The following TBC1D17 variants were observed in gnomAD, a reference collection of about 807,000 sequenced individuals.
TBC1D17 encodes the protein TBC1 domain family, member 17.
Under a neutral mutation model 78.8 loss-of-function variants are expected in TBC1D17, and 69 were observed. The observed-to-expected ratio is 0.88, with a 90% CI of 0.72 to 1.07. The LOEUF is 1.07. TBC1D17 is among the 50% of genes least tolerant of loss of function. The probability of loss-of-function intolerance (pLI) is 0.00; values close to 1 mark genes in which losing one functional copy is unlikely to be tolerated. For synonymous variants in TBC1D17, 456 were observed against 358.3 expected (o/e 1.27, Z -3.08); for missense variants, 957 against 861.0 (o/e 1.11, Z -1.39).
In TBC1D17 at chr19:49,884,499, C is replaced by G. The variant is rs1473725055; in HGVS notation, c.1284C>G (p.Leu428=). ...QGMSDLLSPI[L]YVIQNEVDAF... ...TGAGTGATCTTCTCTCCCCGATCCT[C>G]TACGTCATTCAGAACGAGGTGGATG... Residue 428 remains leucine, a synonymous_variant, in exon 12 of 17, where the codon CTC becomes CTG. Transcript: ENST00000221543. The G allele has an allele frequency of 6.2e-7, 1 of 1,614,202 alleles. No homozygotes were observed.
intron 3 of TBC1D17, 106 bp from the exon 4 acceptor site, chr19:49,880,173 G>A: frequency 1.4e-6 from 2 of 1,437,044 alleles, no homozygotes; most frequent in Non-Finnish European, 9.5e-7. Flanking sequence ...TACCTTCTTT[G>A]TGCCTCAGTT....
chr19:49,881,803 G>A (rs950485598), intron 5 of TBC1D17, among the ~76,000 whole-genome samples: 22 of 152,042 alleles, frequency 1.4e-4, no homozygotes, highest in Non-Finnish European at 2.5e-4. Flanking sequence ...TCATTGGCTC[G>A]TCCCTGAGTC....
chr19:49,887,746 A>G lies in TBC1D17; in HGVS notation c.1571A>G (p.Asn524Ser), dbSNP rs149454222. Residue 524 changes from asparagine to serine, a missense_variant, in exon 15 of 17, where the codon AAT becomes AGT. By Grantham distance (46) the Asn-to-Ser change is conservative. Coordinates refer to ENST00000221543, the MANE Select transcript of TBC1D17 (RefSeq NM_024682.3). ...EVLWTGLPGP[N>S]LHLLVACAIL... ...CTGTGGACAGGGCTCCCTGGCCCCA[A>G]TCTGCACCTGCTGGTGGCCTGCGCC... The G allele has an allele frequency of 1.7e-3, 2,754 of 1,613,740 alleles. 4 individuals carry two copies. Among genetic ancestry groups the G allele is most frequent in the Non-Finnish European group, 1.9e-3 (2,239 of 1,179,944 alleles).
At chr19:49,878,664 A>G in intron 3 of TBC1D17, 92 bp downstream of exon 3, 1 of 1,248,458 alleles carries the variant, frequency 8.0e-7, no homozygotes, top group Non-Finnish European at 1.2e-6. Context: ...ACAATCCCAG[A>G]CCTACTCGTG....
chr19:49,888,462 C>T lies in TBC1D17; in HGVS notation c.1785C>T (p.Ala595=), dbSNP rs2075085226. 1.3e-6 allele frequency: 2 copies of T among 1,598,548 alleles called. No homozygotes were observed. The highest frequency in any genetic ancestry group is 1.7e-6 in the Non-Finnish European group (2 of 1,176,820). ...PHNVQEILGL[A]PPAEPHSPSP... Reference sequence around the variant, plus strand: ...ACGTGCAGGAGATCCTGGGGCTGGCCCCGCCCGCAGAGCCCCACAGCCCCT... The same window carrying T: ...ACGTGCAGGAGATCCTGGGGCTGGCTCCGCCCGCAGAGCCCCACAGCCCCT... The change falls in exon 17 of 17, where the codon GCC becomes GCT. Residue 595 remains alanine (A), a synonymous_variant. Coordinates refer to ENST00000221543, the MANE Select transcript of TBC1D17 (RefSeq NM_024682.3).
intron 2 of TBC1D17, 41 bp downstream of exon 2, chr19:49,878,282 G>T (rs1324642373): frequency 6.5e-7 from 1 of 1,530,332 alleles, no homozygotes; most frequent in Admixed American, 2.0e-5. Flanking sequence ...GCTCCGAGCG[G>T]GATGCAGGCG....
At position 49,887,490 on chromosome 19, in the gene TBC1D17, G is replaced by A. The variant is rs1213088476; in HGVS notation, c.1459G>A (p.Gly487Ser). Residue 487 changes from glycine (G) to serine (S), a missense_variant, in exon 14 of 17, where the codon GGC becomes AGC. By Grantham distance (56) the Gly-to-Ser change is moderately conservative. Transcript: ENST00000221543. Reference protein sequence around the residue: ...LCDFLDSQDSGSLCFCFRWLL... With the variant: ...LCDFLDSQDSSSLCFCFRWLL... ...TCATCCCCCAGATTCCCAGGACTCC[G>A]GCTCTCTCTGCTTCTGTTTCCGGTG... 1 of 1,614,054 alleles carries A rather than the reference G, an allele frequency of 6.2e-7. No individual in the cohort carries two copies. Among genetic ancestry groups the A allele is most frequent in the Non-Finnish European group, 8.5e-7 (1 of 1,179,976 alleles).
At position 49,881,384 on chromosome 19, in the gene TBC1D17, C is replaced by T. The variant is rs969965264; in HGVS notation, c.436C>T (p.Gln146Ter). 1.2e-5 allele frequency: 19 copies of T among 1,613,148 alleles called. No individual in the cohort carries two copies. In the Admixed American group the frequency reaches 3.0e-4, roughly 25 times the overall value. The part of the protein sequence containing the change: ...LSWAYLVLVT[Q>*]AGGSLPALHF... ...CTGGGCCTACCTGGTTCTGGTGACC[C>T]AGGCTGGAGGTTCCCTGCCCGCACT... The change falls in exon 5 of 17, where the codon CAG (glutamine) becomes TAG (stop). Residue 146 changes from glutamine (Q) to a stop codon, truncating the protein, a stop_gained. Coordinates refer to ENST00000221543, the MANE Select transcript of TBC1D17 (RefSeq NM_024682.3). LOFTEE classifies it high-confidence loss of function.
rs762967523 is a variant in TBC1D17, at chr19:49,881,363, G to GC, written c.417dup (p.Tyr140LeufsTer66). 2 of 1,613,282 alleles carry GC rather than the reference G, an allele frequency of 1.2e-6. No individual in the cohort carries two copies. Among genetic ancestry groups the GC allele is most frequent in the African/African-American group, 2.7e-5 (2 of 74,938 alleles). Reference sequence around the variant, plus strand: ...CCGCTCCAAGCCAGGCCTCAGCTGGGCCTACCTGGTTCTGGTGACCCAGGC... The same window carrying GC: ...CCGCTCCAAGCCAGGCCTCAGCTGGGCCCTACCTGGTTCTGGTGACCCAGGC... On this transcript the variant is annotated frameshift_variant, in exon 5 of 17. Coordinates refer to ENST00000221543, the MANE Select transcript of TBC1D17 (RefSeq NM_024682.3). LOFTEE classifies it high-confidence loss of function.
rs923203479 is a variant in TBC1D17, at chr19:49,888,627, C to T, written c.*3C>T. On this transcript the variant is annotated 3_prime_UTR_variant, in exon 17 of 17. Transcript: ENST00000221543. ...AGGACGAGGGCGCCGACTCCTAACC[C>T]CGCCAGGCAGCCTCGTTCTGCACAG... 6.5e-7 allele frequency: 1 copy of T among 1,533,220 alleles called. No individual in the cohort carries two copies. The highest frequency in any genetic ancestry group is 8.7e-7 in the Non-Finnish European group (1 of 1,144,796). 95.0% of individuals were successfully genotyped at this position (1,533,220 alleles called of 1,614,324 possible).
intron 7 of TBC1D17, 57 bp from the exon 8 acceptor site, chr19:49,882,707 G>C (rs2075025920): frequency 6.8e-7 from 1 of 1,469,226 alleles, no homozygotes; most frequent in Admixed American, 2.7e-5. Flanking sequence ...ACTGAGGCTG[G>C]GTTGGGTCCC....
chr19:49,881,602 C>T, intron 5 of TBC1D17, 127 bp downstream of exon 5: 1 of 921,722 alleles, frequency 1.1e-6, no homozygotes, highest in Non-Finnish European at 1.6e-6. Context: ...AGTTGACCAG[C>T]ACATATAACT....
chr19:49,884,465 T>A lies in TBC1D17; in HGVS notation c.1250T>A (p.Val417Asp). Reference sequence around the variant, plus strand: ...TGACCCCATGTCCCCCCAGGCTACGTCCAGGGCATGAGTGATCTTCTCTCC... The same window carrying A: ...TGACCCCATGTCCCCCCAGGCTACGACCAGGGCATGAGTGATCTTCTCTCC... ...YCMYHFDLGYVQGMSDLLSPI... is the reference protein window; with the variant it reads ...YCMYHFDLGYDQGMSDLLSPI... The change falls in exon 12 of 17, where the codon GTC (valine) becomes GAC (aspartate). Residue 417 changes from valine to aspartate, a missense_variant. Transcript: ENST00000221543. 6.2e-7 allele frequency: 1 copy of A among 1,614,072 alleles called. No homozygotes were observed. Among genetic ancestry groups the A allele is most frequent in the Non-Finnish European group, 8.5e-7 (1 of 1,179,998 alleles).
chr19:49,884,641 C>T lies in TBC1D17; in HGVS notation c.1345-18C>T, dbSNP rs778264972. Reference sequence around the variant, plus strand: ...ACCTCACGGGGTCTGCTCTTTCCCCCCTCCTTCCGTCCCACAGCAAGGGAA... The same window carrying T: ...ACCTCACGGGGTCTGCTCTTTCCCCTCTCCTTCCGTCCCACAGCAAGGGAA... On this transcript the variant is annotated intron_variant, in intron 12 of 16. Transcript: ENST00000221543. 6 of 1,614,068 alleles carry T rather than the reference C, an allele frequency of 3.7e-6. No individual in the cohort carries two copies. The South Asian group carries it at 4.4e-5, about 12-fold the overall frequency.
intron 13 of TBC1D17, among the ~76,000 whole-genome samples, chr19:49,886,376 C>T (rs549869884): frequency 5.9e-5 from 9 of 152,230 alleles, no homozygotes; most frequent in South Asian, 2.1e-4. Context: ...TTAGGACCCC[C>T]GGGGGAGGGA....
Position 49,884,727 on chromosome 19 carries a change from G to A in TBC1D17, c.1413G>A (p.Arg471=). Residue 471 remains arginine (R), a synonymous_variant, in exon 13 of 17, where the codon AGG becomes AGA. Transcript: ENST00000221543. The part of the protein sequence containing the change: ...RQLGRLLLLL[R]VLDPLLCDFL... Reference sequence around the variant, plus strand: ...TCGGGCGACTGCTGCTGCTCCTGAGGGTGCTGGACCCCCTGCTCTGCGACT... The same window carrying A: ...TCGGGCGACTGCTGCTGCTCCTGAGAGTGCTGGACCCCCTGCTCTGCGACT... 6.2e-7 allele frequency: 1 copy of A among 1,614,034 alleles called. No individual in the cohort carries two copies. The highest frequency in any genetic ancestry group is 8.5e-7 in the Non-Finnish European group (1 of 1,180,020).
chr19:49,887,744 C>T lies in TBC1D17; in HGVS notation c.1569C>T (p.Pro523=). 6.2e-7 allele frequency: 1 copy of T among 1,613,778 alleles called. No individual in the cohort carries two copies. Among genetic ancestry groups the T allele is most frequent in the East Asian group, 2.2e-5 (1 of 44,882 alleles). Residue 523 remains proline, a synonymous_variant, in exon 15 of 17, where the codon CCC becomes CCT. Coordinates refer to ENST00000221543, the MANE Select transcript of TBC1D17 (RefSeq NM_024682.3). ...WEVLWTGLPG[P]NLHLLVACAI... ...TGCTGTGGACAGGGCTCCCTGGCCC[C>T]AATCTGCACCTGCTGGTGGCCTGCG...
In TBC1D17 at chr19:49,888,527, C is replaced by A. The variant is rs1445892841; in HGVS notation, c.1850C>A (p.Ala617Asp). The A allele has an allele frequency of 1.1e-6, 1 of 910,458 alleles. No homozygotes were observed. Among genetic ancestry groups the A allele is most frequent in the Non-Finnish European group, 1.6e-6 (1 of 642,834 alleles). 56.4% of individuals were successfully genotyped at this position (910,458 alleles called of 1,614,324 possible). Residue 617 changes from alanine to aspartate, a missense_variant, in exon 17 of 17, where the codon GCC becomes GAC. Physicochemically the swap from Ala to Asp is moderately radical, Grantham distance 126. Transcript: ENST00000221543. ...ASPLPLSPTRAPPTPPPSTDT... is the reference protein window; with the variant it reads ...ASPLPLSPTRDPPTPPPSTDT... ...CCGCTGCCTCTGTCGCCCACCCGGG[C>A]CCCGCCCACCCCGCCGCCCTCCACG...
chr19:49,887,512 G>C lies in TBC1D17; in HGVS notation c.1481G>C (p.Arg494Pro). 6.2e-7 allele frequency: 1 copy of C among 1,614,126 alleles called. No homozygotes were observed. Among genetic ancestry groups the C allele is most frequent in the Non-Finnish European group, 8.5e-7 (1 of 1,179,996 alleles). Residue 494 changes from arginine (R) to proline (P), a missense_variant, in exon 14 of 17, where the codon CGG becomes CCG. By Grantham distance (103) the Arg-to-Pro change is moderately radical (BLOSUM62 -2). Transcript: ENST00000221543. Reference protein sequence around the residue: ...QDSGSLCFCFRWLLIWFKREF... With the variant: ...QDSGSLCFCFPWLLIWFKREF... ...TCCGGCTCTCTCTGCTTCTGTTTCC[G>C]GTGGCTGCTCATCTGGTTCAAGAGG...
Sources: allele counts gnomAD v4.1 joint callset (sites outside exome capture counted in the v4.1 genomes callset), GRCh38; gene constraint gnomAD v4.1.1; transcripts MANE v1.5; gene names NCBI Gene and HGNC (gene_info 2026-07-23, HGNC 2026-07-21).